VPS13D: variants seen among roughly 807,000 people sequenced by gnomAD.
VPS13D encodes the protein vacuolar protein sorting 13 homolog D.
In VPS13D, 187 loss-of-function variants were observed where a neutral mutation model predicts 461.9. The observed-to-expected ratio is 0.40, with a 90% CI of 0.36 to 0.46. The LOEUF (loss-of-function observed/expected upper bound fraction) is 0.46. Among genes scored for constraint, VPS13D ranks in the 20% least tolerant of loss-of-function variants. The pLI is 0.60. For synonymous variants in VPS13D, 1,951 were observed against 1,986.3 expected (o/e 0.98, Z 0.47); for missense variants, 4,711 against 5,364.9 (o/e 0.88, Z 3.81).
chr1:12,291,623 A>C (rs557544105), intron 23 of VPS13D, among the ~76,000 whole-genome samples: 1 of 152,192 alleles, frequency 6.6e-6, no homozygotes, highest in African/African-American at 2.4e-5. Context: ...GCCTTGTCTC[A>C]ACACACACAC....
chr1:12,285,883 T>C (rs1016405078), intron 21 of VPS13D, among the ~76,000 whole-genome samples: 1 of 152,180 alleles, frequency 6.6e-6, no homozygotes, highest in African/African-American at 2.4e-5. Context: ...AGTTTTCTCA[T>C]TTACAAAATA....
chr1:12,267,710 A>T, intron 14 of VPS13D, 135 bp from the exon 15 acceptor site: 1 of 770,812 alleles, frequency 1.3e-6, no homozygotes, highest in Non-Finnish European at 2.2e-6. Context: ...TTCTGCAAGT[A>T]GTCAATCTGA....
chr1:12,370,632 G>A (rs1644103029), intron 54 of VPS13D, among the ~76,000 whole-genome samples: 1 of 152,198 alleles, frequency 6.6e-6, no homozygotes, highest in South Asian at 2.1e-4. Flanking sequence ...TTCCCTTTGG[G>A]AACGATGGTG....
At chr1:12,462,848 C>T (rs1018519975) in intron 67 of VPS13D, among the ~76,000 whole-genome samples, 1 of 152,204 alleles carries the variant, frequency 6.6e-6, no homozygotes, top group African/African-American at 2.4e-5. Flanking sequence ...ATCTGGACCT[C>T]AGCAGCAGAG....
chr1:12,424,535 A>T (rs1644900482), intron 65 of VPS13D, among the ~76,000 whole-genome samples: 1 of 152,146 alleles, frequency 6.6e-6, no homozygotes, highest in South Asian at 2.1e-4. Context: ...GTCCCCATGT[A>T]CCTCACTGAG....
chr1:12,427,422 C>T (rs1481933944), intron 65 of VPS13D, among the ~76,000 whole-genome samples: 1 of 151,786 alleles, frequency 6.6e-6, no homozygotes, highest in African/African-American at 2.4e-5. Context: ...CTGGACAGCA[C>T]AGTCAGCCCT....
At position 12,279,450 on chromosome 1, in the gene VPS13D, A is replaced by C; in HGVS notation, c.4451-49A>C. On this transcript the variant is annotated intron_variant, in intron 19 of 69. Transcript: ENST00000620676. This position sits in a 1 kb window ranked among gnomAD's most constrained non-coding sequence, Gnocchi z 4.3. ...ATTCTACGTTTAATCAGCAGTAATG[A>C]AGTAAATATTAAGGTTTATGGTCTA... The C allele has an allele frequency of 6.6e-7, 1 of 1,518,638 alleles. No homozygotes were observed. The highest frequency in any genetic ancestry group is 2.3e-5 in the East Asian group (1 of 43,864). The allele number at this position is 1,518,638 out of a possible 1,614,324, so 94.1% of individuals were successfully genotyped here.
chr1:12,346,450 C>T (rs1441138263), intron 43 of VPS13D, among the ~76,000 whole-genome samples, 155 bp from the exon 44 acceptor site: 1 of 152,084 alleles, frequency 6.6e-6, no homozygotes, highest in Admixed American at 6.6e-5. Flanking sequence ...TTTTCCATAT[C>T]TTTAAGAGGA....
intron 10 of VPS13D, 47 bp from the exon 11 acceptor site, chr1:12,260,646 A>T: frequency 6.5e-7 from 1 of 1,546,872 alleles, no homozygotes; most frequent in Non-Finnish European, 8.9e-7. Context: ...CTCTGGATCT[A>T]CAACGTTTGT....
chr1:12,378,423 A>G lies in VPS13D; in HGVS notation c.10918-5A>G, dbSNP rs1167074161. On this transcript the variant is annotated splice_region_variant and splice_polypyrimidine_tract_variant and intron_variant, in intron 55 of 69. Coordinates refer to ENST00000620676, the MANE Select transcript of VPS13D (RefSeq NM_015378.4). ...TTTCTCTTTTTGCTTGTACCTACTT[A>G]ACAGGAACCAGGAAAGCGTTCTCAG... 1 of 1,595,630 alleles carries G rather than the reference A, an allele frequency of 6.3e-7. No individual in the cohort carries two copies. The highest frequency in any genetic ancestry group is 1.8e-5 in the Admixed American group (1 of 56,420).
chr1:12,455,911 T>C (rs1645320442), intron 65 of VPS13D, 87 bp from the exon 66 acceptor site: 3 of 1,452,658 alleles, frequency 2.1e-6, no homozygotes. Flanking sequence ...TCTAATTGTA[T>C]TTAATTTAAA....
chr1:12,251,392 C>A (rs991682965), intron 6 of VPS13D, among the ~76,000 whole-genome samples: 1 of 152,226 alleles, frequency 6.6e-6, no homozygotes, highest in East Asian at 1.9e-4. Flanking sequence ...ATGACCGTCA[C>A]CTTGCAGGAT....
At chr1:12,266,838 C>G in intron 13 of VPS13D, 43 bp from the exon 14 acceptor site, 5 of 1,421,820 alleles carry the variant, frequency 3.5e-6, no homozygotes, top group Non-Finnish European at 4.7e-6. Flanking sequence ...ACACATTAGG[C>G]TCTCATAAGC....
intron 67 of VPS13D, among the ~76,000 whole-genome samples, chr1:12,475,042 G>A (rs769183804): frequency 2.0e-5 from 3 of 151,936 alleles, no homozygotes; most frequent in East Asian, 1.9e-4. Context: ...ATGGAGCCTC[G>A]TCCTGATGTA....
At position 12,256,335 on chromosome 1, in the gene VPS13D, G is replaced by A. The variant is rs541234265; in HGVS notation, c.672G>A (p.Glu224=). The A allele has an allele frequency of 2.7e-5, 44 of 1,613,364 alleles. 2 individuals carry two copies. The South Asian group carries it at 4.3e-4, about 16-fold the overall frequency. The part of the protein sequence containing the change: ...LGDLPQMELQ[E]AMARSMESRS... ...GCAGGTGTTCTTGTGACACACAGGA[G>A]GCCATGGCCAGGAGCATGGAGAGTC... Residue 224 remains glutamate, a splice_region_variant and synonymous_variant, in exon 8 of 70, where the codon GAG becomes GAA. Transcript: ENST00000620676.
chr1:12,274,101 C>T (rs565359226), intron 18 of VPS13D, among the ~76,000 whole-genome samples: 42 of 152,064 alleles, frequency 2.8e-4, no homozygotes, highest in East Asian at 1.9e-4. Flanking sequence ...AGTGTGGTGG[C>T]GCCATCTCAG....
At chr1:12,350,638 A>G (rs1459477996) in intron 46 of VPS13D, among the ~76,000 whole-genome samples, 2 of 152,160 alleles carry the variant, frequency 1.3e-5, no homozygotes, top group African/African-American at 4.8e-5. Context: ...AATATATAAA[A>G]TTGCTGATTT....
chr1:12,481,387 C>T (rs1645714496), intron 67 of VPS13D, among the ~76,000 whole-genome samples: 3 of 152,326 alleles, frequency 2.0e-5, no homozygotes, highest in Non-Finnish European at 1.5e-5. Context: ...CCTCTTTCCC[C>T]ACTGGCTTCC....
At chr1:12,506,785 A>T in intron 68 of VPS13D, 68 bp from the exon 69 acceptor site, 1 of 1,570,874 alleles carries the variant, frequency 6.4e-7, no homozygotes, top group Non-Finnish European at 8.7e-7. Flanking sequence ...CAGAGCCCGC[A>T]GTGGGCCTCC....
Sources: allele counts gnomAD v4.1 joint callset (sites outside exome capture counted in the v4.1 genomes callset), GRCh38; gene constraint gnomAD v4.1.1; non-coding constraint Gnocchi (gnomAD v3.1); transcripts MANE v1.5; gene names NCBI Gene and HGNC (gene_info 2026-07-23, HGNC 2026-07-21).